The following GRID1 variants were observed in gnomAD, a reference collection of about 807,000 sequenced individuals.
GRID1 encodes glutamate receptor ionotropic, delta-1.
Under a neutral mutation model 98.0 loss-of-function variants are expected in GRID1, and 28 were observed. The observed-to-expected ratio is 0.29, with a 90% CI of 0.21 to 0.39. The LOEUF (loss-of-function observed/expected upper bound fraction) is 0.39. Among genes scored for constraint, GRID1 ranks in the 10% least tolerant of loss-of-function variants. The pLI is 1.00. For synonymous variants in GRID1, 553 were observed against 538.5 expected (o/e 1.03, Z -0.37); for missense variants, 1,111 against 1,340.5 (o/e 0.83, Z 2.67).
chr10:85,647,548 T>C, intron 12 of GRID1, 151 bp from the exon 13 acceptor site: 1 of 652,852 alleles, frequency 1.5e-6, no homozygotes, highest in Middle Eastern at 3.8e-4. Context: ...GTTCAAGTCC[T>C]TCAGCCCAGA....
At chr10:85,721,681 G>A (rs183584688) in intron 12 of GRID1, among the ~76,000 whole-genome samples, 12 of 152,318 alleles carry the variant, frequency 7.9e-5, no homozygotes, top group Admixed American at 7.8e-4. Context: ...TGCCAGAGTT[G>A]GGGACAGAGT....
Position 85,782,705 on chromosome 10 carries a change from C to T in GRID1, c.1234-53091G>A, listed in dbSNP as rs536155982. On this transcript the variant is annotated intron_variant, in intron 8 of 15. Transcript: ENST00000327946. ...GAGTGCAAAGGCCCTGACGTAGATG[C>T]ATGCCTGGTGGGCATAAAATGAGTG... 1.5e-3 allele frequency among the ~76,000 whole-genome samples: 232 copies of T among 152,354 alleles called. 2 individuals are homozygous for T. Among genetic ancestry groups the T allele is most frequent in the African/African-American group, 5.3e-3 (222 of 41,582 alleles).
intron 5 of GRID1, among the ~76,000 whole-genome samples, chr10:85,881,488 A>G (rs1841013870): frequency 6.6e-6 from 1 of 152,342 alleles, no homozygotes; most frequent in East Asian, 1.9e-4. Context: ...CAACCAGCTG[A>G]TCTTTGACAA....
At chr10:85,765,531 A>G (rs1842189802) in intron 8 of GRID1, among the ~76,000 whole-genome samples, 2 of 152,196 alleles carry the variant, frequency 1.3e-5, no homozygotes, top group Non-Finnish European at 2.9e-5. Context: ...CATGTAACAC[A>G]TTGCTGTCAA....
rs1199039893 is a variant in GRID1 at position 86,148,474 on chromosome 10, A to T, written c.521-9450T>A. 2.6e-5 allele frequency among the ~76,000 whole-genome samples: 4 copies of T among 152,212 alleles called. No homozygotes were observed. The East Asian group carries it at 7.7e-4, about 29-fold the overall frequency. On this transcript the variant is annotated intron_variant, in intron 3 of 15. Coordinates refer to ENST00000327946, the MANE Select transcript of GRID1 (RefSeq NM_017551.3). The stretch of plus-strand genomic sequence containing the variant: ...TTACCAGAAGCTGGGGAGTTAGGGG[A>T]CTGGGGAGATGCTGGTCAAAGGAGG...
intron 10 of GRID1, among the ~76,000 whole-genome samples, chr10:85,726,729 T>C (rs143040447): frequency 2.0e-5 from 3 of 152,154 alleles, no homozygotes; most frequent in African/African-American, 4.8e-5. Flanking sequence ...CTATATAAGA[T>C]AGAAAGTAGA....
At chr10:85,690,588 T>C (rs143434739) in intron 12 of GRID1, among the ~76,000 whole-genome samples, 2 of 152,124 alleles carry the variant, frequency 1.3e-5, no homozygotes, top group African/African-American at 2.4e-5. Flanking sequence ...AAAAAGTCTA[T>C]CAAAAACAAA....
chr10:85,766,711 C>A (rs1311278235), intron 8 of GRID1, among the ~76,000 whole-genome samples: 2 of 143,064 alleles, frequency 1.4e-5, no homozygotes, highest in African/African-American at 2.6e-5. Context: ...TATTATGGAA[C>A]TGTGTGAAAG....
chr10:86,006,616 A>G (rs967783684), intron 4 of GRID1, among the ~76,000 whole-genome samples: 3 of 143,440 alleles, frequency 2.1e-5, no homozygotes, highest in Admixed American at 1.4e-4. Context: ...GACGCCGTCT[A>G]AAAAAAAAAA....
At chr10:86,291,148 C>T (rs961079162) in intron 2 of GRID1, among the ~76,000 whole-genome samples, 1 of 152,178 alleles carries the variant, frequency 6.6e-6, no homozygotes, top group African/African-American at 2.4e-5. Context: ...GGCACAAGGC[C>T]CAGGGACAAA....
chr10:86,142,161 C>T (rs1354820291), intron 3 of GRID1, among the ~76,000 whole-genome samples: 3 of 152,220 alleles, frequency 2.0e-5, no homozygotes, highest in African/African-American at 7.2e-5. Flanking sequence ...GCAGCCATCC[C>T]CAGCTGCAAG....
chr10:86,135,969 A>G (rs1238710073), intron 4 of GRID1, among the ~76,000 whole-genome samples: 2 of 152,232 alleles, frequency 1.3e-5, no homozygotes, highest in Non-Finnish European at 2.9e-5. Flanking sequence ...CGGATGCTGC[A>G]TAACATTGAC....
chr10:86,264,864 C>A, intron 2 of GRID1: 1 of 429,962 alleles, frequency 2.3e-6, no homozygotes. Context: ...CAACCTGCAG[C>A]CAAATTCACT....
At chr10:85,850,602 C>T (rs1843049204) in intron 8 of GRID1, among the ~76,000 whole-genome samples, 1 of 152,218 alleles carries the variant, frequency 6.6e-6, no homozygotes, top group Non-Finnish European at 1.5e-5. Flanking sequence ...GTCTAGGGCA[C>T]TGTCAGGCTG....
chr10:86,037,213 C>T (rs1351077981), intron 4 of GRID1, among the ~76,000 whole-genome samples: 4 of 152,112 alleles, frequency 2.6e-5, no homozygotes, highest in Non-Finnish European at 5.9e-5. Context: ...AAAGGGGAAC[C>T]AAGGCTGTCA....
intron 3 of GRID1, among the ~76,000 whole-genome samples, chr10:86,178,518 A>T (rs1227381809): frequency 6.6e-6 from 1 of 152,150 alleles, no homozygotes; most frequent in Non-Finnish European, 1.5e-5. Flanking sequence ...CCATTTCATG[A>T]GGGTGTTAGG....
intron 13 of GRID1, among the ~76,000 whole-genome samples, chr10:85,638,054 A>G (rs1403775995): frequency 6.6e-6 from 1 of 152,234 alleles, no homozygotes; most frequent in Non-Finnish European, 1.5e-5. Context: ...AAACAAGTGT[A>G]AAATTAATGA....
chr10:86,066,262 C>T (rs1355879211), intron 4 of GRID1, among the ~76,000 whole-genome samples: 3 of 152,130 alleles, frequency 2.0e-5, no homozygotes, highest in African/African-American at 4.8e-5. Flanking sequence ...ACGGTGGCTC[C>T]GACCCAAGGA....
intron 4 of GRID1, among the ~76,000 whole-genome samples, chr10:85,928,904 T>G (rs1437971609): frequency 6.6e-6 from 1 of 152,232 alleles, no homozygotes; most frequent in African/African-American, 2.4e-5. Context: ...AGCAGACTAG[T>G]ACCCTGTTTG....
Sources: allele counts gnomAD v4.1 joint callset (sites outside exome capture counted in the v4.1 genomes callset), GRCh38; gene constraint gnomAD v4.1.1; transcripts MANE v1.5; gene names NCBI Gene and HGNC (gene_info 2026-07-23, HGNC 2026-07-21).